The following PRKAR2A variants were observed in gnomAD, a reference collection of about 807,000 sequenced individuals.
The protein encoded by PRKAR2A is protein kinase cAMP-dependent type II regulatory subunit alpha.
PRKAR2A carries 29 observed loss-of-function variants against 51.9 expected under a neutral mutation model. That is an observed-to-expected ratio of 0.56 (90% CI 0.42 to 0.76). PRKAR2A has a LOEUF of 0.76. Among genes scored for constraint, PRKAR2A ranks in the 30% least tolerant of loss-of-function variants. The probability of loss-of-function intolerance (pLI) is 0.00; values close to 1 mark genes in which losing one functional copy is unlikely to be tolerated. For synonymous variants in PRKAR2A, 178 were observed against 186.2 expected, an observed-to-expected ratio of 0.96 and a Z score of 0.36; for missense variants, 445 against 512.1, an observed-to-expected ratio of 0.87 and a Z score of 1.26.
chr3:48,838,020 T>C lies in PRKAR2A; in HGVS notation c.262+9315A>G, dbSNP rs538255281. Among the ~76,000 whole-genome samples, 431 of 151,052 alleles carry C rather than the reference T, an allele frequency of 2.9e-3. 4 individuals are homozygous for C. Among genetic ancestry groups the C allele is most frequent in the African/African-American group, 9.9e-3 (409 of 41,122 alleles). The stretch of plus-strand genomic sequence containing the variant: ...AGGGAAACCCCATCTCCACTAAAAA[T>C]ACAAAAAATTAGCCGGGTGTGGTGG... On this transcript the variant is annotated intron_variant, in intron 1 of 10. Transcript: ENST00000265563.
chr3:48,808,048 C>CTTTTTT (rs1181440560), intron 1 of PRKAR2A, among the ~76,000 whole-genome samples: 3 of 122,698 alleles, frequency 2.4e-5, no homozygotes, highest in African/African-American at 9.1e-5. Flanking sequence ...TTCTTTCTTT[C>CTTTTTT]TTTTTTTTTT....
At chr3:48,822,771 A>G (rs1288028359) in intron 1 of PRKAR2A, among the ~76,000 whole-genome samples, 1 of 81,320 alleles carries the variant, frequency 1.2e-5, no homozygotes, top group Admixed American at 1.7e-4. Flanking sequence ...TCTGTTGCCC[A>G]GGCTGGAGTG....
At chr3:48,837,665 CAA>C (rs1575956688) in intron 1 of PRKAR2A, among the ~76,000 whole-genome samples, 2 of 152,188 alleles carry the variant, frequency 1.3e-5, no homozygotes, top group African/African-American at 2.4e-5. Flanking sequence ...TCATAATAGT[CAA>C]AGAGTGGGAA....
In PRKAR2A at chr3:48,747,816, G is replaced by A. The variant is rs911725522; in HGVS notation, c.*3769C>T. The A allele has an allele frequency of 6.6e-6, 1 of 152,198 alleles. No homozygotes were observed. Among genetic ancestry groups the A allele is most frequent in the Non-Finnish European group, 1.5e-5 (1 of 68,064 alleles). 9.4% of individuals were successfully genotyped at this position (152,198 alleles called of 1,614,324 possible). A position where few individuals can be genotyped will look rare whatever the true frequency, so the allele number is the denominator to read the frequency against. On this transcript the variant is annotated 3_prime_UTR_variant, in exon 11 of 11. Coordinates refer to ENST00000265563, the MANE Select transcript of PRKAR2A (RefSeq NM_004157.4). The stretch of plus-strand genomic sequence containing the variant: ...AACACCACAAAACAGTTAACAAAGG[G>A]ATCTCTTTCCAACACATGCTCCTCT...
At chr3:48,762,660 C>T (rs1487198481) in intron 8 of PRKAR2A, among the ~76,000 whole-genome samples, 1 of 151,870 alleles carries the variant, frequency 6.6e-6, no homozygotes, top group Non-Finnish European at 1.5e-5. Context: ...TAATGGGAGG[C>T]TGAGGCAAGA....
chr3:48,773,405 G>A (rs1379299788), intron 5 of PRKAR2A, among the ~76,000 whole-genome samples: 6 of 147,994 alleles, frequency 4.1e-5, no homozygotes, highest in African/African-American at 1.0e-4. Context: ...GTGCAGGGGC[G>A]GTATCTCAGC....
At chr3:48,827,808 C>A (rs768154641) in intron 1 of PRKAR2A, among the ~76,000 whole-genome samples, 2 of 152,062 alleles carry the variant, frequency 1.3e-5, no homozygotes, top group African/African-American at 2.4e-5. Context: ...ATAAAAAATA[C>A]GTTTTTTCTT....
chr3:48,777,552 C>T (rs1218233522), intron 5 of PRKAR2A, among the ~76,000 whole-genome samples: 1 of 152,066 alleles, frequency 6.6e-6, no homozygotes. Flanking sequence ...ACTACAGGCA[C>T]CCGCCACCAC....
intron 8 of PRKAR2A, among the ~76,000 whole-genome samples, chr3:48,758,555 C>A (rs2081810839): frequency 6.7e-6 from 1 of 148,786 alleles, no homozygotes; most frequent in Non-Finnish European, 1.5e-5. Flanking sequence ...TGCACTCCAG[C>A]CTGGGCGACA....
rs951517363 is a variant in PRKAR2A at position 48,847,331 on chromosome 3, C to G, written c.262+4G>C. Reference sequence around the variant, plus strand: ...CACTCCCCAGGGCCCCGCCCACAGCCTACCTTCCAAGTCCTCGTCCTCCTC... The same window carrying G: ...CACTCCCCAGGGCCCCGCCCACAGCGTACCTTCCAAGTCCTCGTCCTCCTC... On this transcript the variant is annotated splice_donor_region_variant and intron_variant, in intron 1 of 10. Transcript: ENST00000265563. The surrounding 1 kb of genome is among the most constrained non-coding windows in gnomAD (Gnocchi z 4.4). The G allele has an allele frequency of 6.2e-7, 1 of 1,613,376 alleles. No homozygotes were observed. The highest frequency in any genetic ancestry group is 1.7e-5 in the Admixed American group (1 of 59,978).
intron 2 of PRKAR2A, among the ~76,000 whole-genome samples, chr3:48,796,846 A>C (rs1003477860): frequency 6.6e-6 from 1 of 151,662 alleles, no homozygotes; most frequent in Admixed American, 6.6e-5. Context: ...TTATAATCTT[A>C]TCACACTCAT....
chr3:48,756,879 G>A (rs2081779068), intron 8 of PRKAR2A, among the ~76,000 whole-genome samples: 1 of 152,226 alleles, frequency 6.6e-6, no homozygotes, highest in Non-Finnish European at 1.5e-5. Context: ...ATCACACAGA[G>A]CCCCAAGTGG....
chr3:48,768,289 C>T (rs1261790013), intron 6 of PRKAR2A, among the ~76,000 whole-genome samples: 4 of 120,288 alleles, frequency 3.3e-5, no homozygotes, highest in Admixed American at 8.7e-5. Flanking sequence ...GTGAGACCGT[C>T]TCAAAAGATA....
chr3:48,843,504 C>A (rs2107471634), intron 1 of PRKAR2A, among the ~76,000 whole-genome samples: 1 of 152,130 alleles, frequency 6.6e-6, no homozygotes, highest in African/African-American at 2.4e-5. Context: ...TCATATGGAA[C>A]CAAAAAAGAG....
chr3:48,840,537 T>TGTA (rs2083360426), intron 1 of PRKAR2A, among the ~76,000 whole-genome samples: 1 of 149,740 alleles, frequency 6.7e-6, no homozygotes, highest in Admixed American at 6.8e-5. Context: ...CATTTATGGA[T>TGTA]GTATACCTGG....
chr3:48,786,198 C>A (rs2082289296), intron 4 of PRKAR2A, among the ~76,000 whole-genome samples: 1 of 150,090 alleles, frequency 6.7e-6, no homozygotes, highest in Non-Finnish European at 1.5e-5. Flanking sequence ...GATCTCGGCC[C>A]ACTGCAACCT....
chr3:48,746,133 G>A (rs138515014), downstream of PRKAR2A, among the ~76,000 whole-genome samples: 4 of 152,036 alleles, frequency 2.6e-5, no homozygotes, highest in East Asian at 5.8e-4. Flanking sequence ...TAAACCATTG[G>A]CTCTCCTGGG....
At chr3:48,771,421 T>C (rs553766863) in intron 6 of PRKAR2A, among the ~76,000 whole-genome samples, 37 of 152,242 alleles carry the variant, frequency 2.4e-4, no homozygotes, top group Admixed American at 5.9e-4. Flanking sequence ...GGTGGGAGGA[T>C]TGCTTGAGCT....
chr3:48,766,463 G>A (rs987206400), intron 6 of PRKAR2A, among the ~76,000 whole-genome samples: 3 of 152,098 alleles, frequency 2.0e-5, no homozygotes, highest in Middle Eastern at 3.4e-3. Context: ...CTAGTTGGGA[G>A]GCTGAGGCTG....
Sources: gnomAD v4.1 joint callset for allele counts (sites outside exome capture counted in the v4.1 genomes callset) on GRCh38, gnomAD v4.1.1 for gene constraint, Gnocchi (gnomAD v3.1) non-coding constraint, MANE v1.5 for transcripts, NCBI Gene and HGNC (gene_info 2026-07-23, HGNC 2026-07-21) for gene names.